The following SDK2 variants were observed in gnomAD, a reference collection of about 807,000 sequenced individuals.
The protein encoded by SDK2 is protein sidekick-2.
A neutral mutation model predicts 253.9 loss-of-function variants in SDK2; 105 were observed. The observed-to-expected ratio is 0.41, with a 90% CI of 0.35 to 0.49. The LOEUF (loss-of-function observed/expected upper bound fraction) is 0.49, where lower values mean the gene tolerates loss of function less well. Ranked by LOEUF, SDK2 falls within the 20% of genes least tolerant of loss-of-function variation. The pLI is 0.06. For missense variants in SDK2, 2,608 were observed against 3,003.0 expected, an observed-to-expected ratio of 0.87 and a Z score of 3.07; for synonymous variants, 1,249 against 1,234.9, an observed-to-expected ratio of 1.01 and a Z score of -0.24.
intron 37 of SDK2, among the ~76,000 whole-genome samples, chr17:73,366,077 AG>A (rs918675380): frequency 6.6e-6 from 1 of 152,228 alleles, no homozygotes; most frequent in Admixed American, 6.5e-5. Context: ...CAGCTGGCCC[AG>A]GGAGGATGAC....
At chr17:73,516,276 A>G (rs9907378) in intron 1 of SDK2, among the ~76,000 whole-genome samples, 10,805 of 152,258 alleles carry the variant, frequency 0.071, 755 homozygotes, top group African/African-American at 0.18. Context: ...GGTCAAACCC[A>G]GGTGGGAGAT....
chr17:73,625,914 G>T (rs573694903), intron 1 of SDK2, among the ~76,000 whole-genome samples: 1 of 152,272 alleles, frequency 6.6e-6, no homozygotes, highest in South Asian at 2.1e-4. Flanking sequence ...CAAAGTGCTG[G>T]GATTATAGGC....
At chr17:73,430,185 C>T (rs147233254) in intron 12 of SDK2, among the ~76,000 whole-genome samples, 3 of 152,206 alleles carry the variant, frequency 2.0e-5, no homozygotes, top group Admixed American at 1.3e-4. Flanking sequence ...AGCTCCTTCC[C>T]TTCCATGCTC....
intron 1 of SDK2, among the ~76,000 whole-genome samples, chr17:73,560,462 C>T (rs1599679190): frequency 6.6e-6 from 1 of 152,256 alleles, no homozygotes; most frequent in Non-Finnish European, 1.5e-5. Context: ...GTCTCAGCCT[C>T]CTGAGTAGCT....
chr17:73,454,080 T>C (rs1277220515), intron 4 of SDK2, among the ~76,000 whole-genome samples: 1 of 152,214 alleles, frequency 6.6e-6, no homozygotes, highest in Non-Finnish European at 1.5e-5. Context: ...GCTGTACAGG[T>C]TTATAGCCTA....
chr17:73,507,114 G>T (rs2063941888), intron 2 of SDK2, among the ~76,000 whole-genome samples: 1 of 152,226 alleles, frequency 6.6e-6, no homozygotes, highest in Admixed American at 6.5e-5. Flanking sequence ...TGAGCAGGGG[G>T]CCACAGTCAC....
chr17:73,587,671 G>A (rs1187768912), intron 1 of SDK2, among the ~76,000 whole-genome samples: 1 of 152,152 alleles, frequency 6.6e-6, no homozygotes, highest in African/African-American at 2.4e-5. Context: ...CAGCCCCGGG[G>A]GACAATCACC....
intron 1 of SDK2, among the ~76,000 whole-genome samples, chr17:73,564,232 A>G (rs2045279777): frequency 6.6e-6 from 1 of 152,254 alleles, no homozygotes; most frequent in Non-Finnish European, 1.5e-5. Flanking sequence ...ATAAAATTAA[A>G]AATTCAGTTT....
intron 1 of SDK2, among the ~76,000 whole-genome samples, chr17:73,624,898 G>A (rs2046182058): frequency 6.6e-6 from 1 of 152,214 alleles, no homozygotes; most frequent in African/African-American, 2.4e-5. Context: ...ACAACAGAAG[G>A]AAAATCTATC....
At chr17:73,479,646 T>C (rs1489499703) in intron 2 of SDK2, among the ~76,000 whole-genome samples, 1 of 152,256 alleles carries the variant, frequency 6.6e-6, no homozygotes, top group Admixed American at 6.5e-5. Context: ...ACTTTATATT[T>C]TTTAATCACA....
At chr17:73,617,139 T>TGGGGAGGGGAGAAGCTTCCC (rs1567875812) in intron 1 of SDK2, among the ~76,000 whole-genome samples, 2 of 137,686 alleles carry the variant, frequency 1.5e-5, no homozygotes, top group African/African-American at 2.7e-5. Flanking sequence ...GAGAGGCCTC[T>TGGGGAGGGGAGAAGCTTCCC]GGGGAGGGGA....
rs954322965 is a variant in SDK2 at position 73,401,177 on chromosome 17, G to C, written c.2814C>G (p.Thr938=). The change falls in exon 21 of 45, where the codon ACC becomes ACG. Residue 938 remains threonine, a synonymous_variant. Coordinates refer to ENST00000392650, the MANE Select transcript of SDK2 (RefSeq NM_001144952.2). ...YRISWEEYNR[T]NTRVTHYLPN... Reference sequence around the variant, plus strand: ...GCAGGTAGTGGGTCACACGGGTGTTGGTTCGATTGTACTCCTCCCAGGAGA... The same window carrying C: ...GCAGGTAGTGGGTCACACGGGTGTTCGTTCGATTGTACTCCTCCCAGGAGA... The C allele has an allele frequency of 3.9e-6, 6 of 1,556,108 alleles. No homozygotes were observed. In the Admixed American group the frequency reaches 5.8e-5, roughly 15 times the overall value.
In SDK2 at chr17:73,616,410, A is replaced by G. The variant is rs2046057904; in HGVS notation, c.64+27615T>C. 6.6e-6 allele frequency among the ~76,000 whole-genome samples: 1 copy of G among 152,092 alleles called. No homozygotes were observed. The highest frequency in any genetic ancestry group is 6.6e-5 in the Admixed American group (1 of 15,264). On this transcript the variant is annotated intron_variant, in intron 1 of 44. Transcript: ENST00000392650. The surrounding 1 kb of genome is among the most constrained non-coding windows in gnomAD (Gnocchi z 5.2). ...GAAAAAAACAAGAGGGAAAGAGGCA[A>G]GCAACGGTGATTTCCTTTCACTTGG... is the stretch of plus-strand genomic sequence containing the variant.
At chr17:73,401,237 G>C (rs1349889271) in intron 20 of SDK2, 26 bp from the exon 21 acceptor site, 1 of 1,521,080 alleles carries the variant, frequency 6.6e-7, no homozygotes, top group African/African-American at 1.4e-5. Flanking sequence ...GTGTTGGCAT[G>C]AGCTTGGCTG....
At chr17:73,586,954 C>T (rs2045610653) in intron 1 of SDK2, among the ~76,000 whole-genome samples, 1 of 152,116 alleles carries the variant, frequency 6.6e-6, no homozygotes, top group Non-Finnish European at 1.5e-5. Context: ...CCACTCTGAC[C>T]CTCAGTTTCC....
chr17:73,585,573 C>T (rs1476859228), intron 1 of SDK2, among the ~76,000 whole-genome samples: 2 of 152,188 alleles, frequency 1.3e-5, no homozygotes, highest in Non-Finnish European at 2.9e-5. Flanking sequence ...AAAAATCCCC[C>T]ATCTCCATGG....
intron 39 of SDK2, among the ~76,000 whole-genome samples, chr17:73,358,962 C>A (rs1375359204): frequency 2.6e-5 from 4 of 151,960 alleles, no homozygotes; most frequent in Non-Finnish European, 5.9e-5. Context: ...GGAGGTGACT[C>A]CAGCAATGAG....
chr17:73,530,079 C>T (rs147262486), intron 1 of SDK2, among the ~76,000 whole-genome samples: 2 of 152,240 alleles, frequency 1.3e-5, no homozygotes, highest in East Asian at 1.9e-4. Context: ...CGAACCCATA[C>T]CTGAAGAATG....
chr17:73,549,221 A>C (rs926779012), intron 1 of SDK2, among the ~76,000 whole-genome samples: 14 of 152,182 alleles, frequency 9.2e-5, no homozygotes, highest in Non-Finnish European at 1.9e-4. Flanking sequence ...GAGGAGTAGA[A>C]GGAGAGAGGA....
Sources: allele counts gnomAD v4.1 joint callset (sites outside exome capture counted in the v4.1 genomes callset), GRCh38; gene constraint gnomAD v4.1.1; non-coding constraint Gnocchi (gnomAD v3.1); transcripts MANE v1.5; gene names NCBI Gene and HGNC (gene_info 2026-07-23, HGNC 2026-07-21).